Variants in NPHP3 observed in about 807,000 individuals in gnomAD.
NPHP3 encodes the protein nephrocystin-3.
NPHP3 carries 123 observed loss-of-function variants against 171.9 expected under a neutral mutation model. That is an observed-to-expected ratio of 0.72 (90% CI 0.62 to 0.83). NPHP3 has a LOEUF of 0.83. Among genes scored for constraint, NPHP3 ranks in the 40% least tolerant of loss-of-function variants. The pLI is 0.00. For missense variants in NPHP3, 1,506 were observed against 1,591.9 expected, an observed-to-expected ratio of 0.95 and a Z score of 0.92; for synonymous variants, 558 against 579.2, an observed-to-expected ratio of 0.96 and a Z score of 0.52.
intron 4 of NPHP3, among the ~76,000 whole-genome samples, chr3:132,716,044 C>T (rs1560015810): frequency 1.7e-5 from 2 of 119,674 alleles, no homozygotes; most frequent in Admixed American, 1.6e-4. Context: ...TGCAGCCCAA[C>T]ACAACATTGT....
At chr3:132,704,627 C>T (rs1560010337) in intron 8 of NPHP3, among the ~76,000 whole-genome samples, 2 of 151,830 alleles carry the variant, frequency 1.3e-5, no homozygotes, top group Admixed American at 6.5e-5. Context: ...TATTTGAATC[C>T]CATGGAATTT....
At position 132,713,386 on chromosome 3, in the gene NPHP3, A is replaced by T. The variant is rs142676203; in HGVS notation, c.958-100T>A. 4.9e-3 allele frequency: 3,084 copies of T among 625,338 alleles called. 72 individuals are homozygous for T. In the African/African-American group the frequency reaches 0.053, roughly 11 times the overall value. 38.7% of individuals were successfully genotyped at this position (625,338 alleles called of 1,614,324 possible). On this transcript the variant is annotated intron_variant, in intron 5 of 26. Coordinates refer to ENST00000337331, the MANE Select transcript of NPHP3 (RefSeq NM_153240.5). ...TAAAAAGCACGCTTTAAAACAGGTT[A>T]TACTGGATATCTTTTCATATAAAAT...
chr3:132,713,675 GATGAT>G (rs1939972938), intron 5 of NPHP3, among the ~76,000 whole-genome samples: 1 of 151,994 alleles, frequency 6.6e-6, no homozygotes, highest in South Asian at 2.1e-4. Flanking sequence ...AAACATCCAC[GATGAT>G]ATATCAGAAC....
chr3:132,684,867 T>C (rs1939115668), intron 23 of NPHP3, 73 bp from the exon 24 acceptor site: 2 of 1,529,202 alleles, frequency 1.3e-6, no homozygotes. Flanking sequence ...CTAAATTAAG[T>C]GGAGAACTGA....
chr3:132,692,880 T>A, intron 16 of NPHP3, 62 bp from the exon 17 acceptor site: 1 of 1,353,698 alleles, frequency 7.4e-7, no homozygotes, highest in Non-Finnish European at 1.1e-6. Context: ...TAACGGCCAT[T>A]AAAAGTTCCA....
chr3:132,700,423 G>T lies in NPHP3; in HGVS notation c.1654C>A (p.Pro552Thr), dbSNP rs776287337. The T allele has an allele frequency of 2.1e-5, 34 of 1,611,168 alleles. No individual in the cohort carries two copies. Among genetic ancestry groups the T allele is most frequent in the Non-Finnish European group, 2.9e-5 (34 of 1,178,350 alleles). The change falls in exon 11 of 27, where the codon CCC (proline) becomes ACC (threonine). Residue 552 changes from proline to threonine, a missense_variant. Physicochemically the swap from Pro to Thr is conservative, Grantham distance 38. Coordinates refer to ENST00000337331, the MANE Select transcript of NPHP3 (RefSeq NM_153240.5). The stretch of plus-strand genomic sequence containing the variant: ...AAATGGGAAAGAATCAGTGTGTTGG[G>T]GGAATTCTTCTGTTGTAATTGAATC... ...KWIQLQQKNS[P>T]NTLILSHFVG...
chr3:132,700,257 C>T, intron 11 of NPHP3, 77 bp downstream of exon 11: 2 of 1,222,992 alleles, frequency 1.6e-6, no homozygotes, highest in Non-Finnish European at 2.4e-6. Context: ...AATTGGTTTA[C>T]CAGTAGGTAC....
chr3:132,717,076 T>C (rs1940074083), intron 3 of NPHP3, 167 bp from the exon 4 acceptor site: 1 of 657,098 alleles, frequency 1.5e-6, no homozygotes, highest in Non-Finnish European at 2.6e-6. Context: ...AGTTCAAAGA[T>C]ACTGATTAAC....
At chr3:132,694,795 A>G in intron 16 of NPHP3, 32 bp downstream of exon 16, 1 of 1,608,800 alleles carries the variant, frequency 6.2e-7, no homozygotes, top group African/African-American at 1.3e-5. Context: ...AAGCAAACTA[A>G]CATTCCTTTT....
chr3:132,708,343 T>G lies in NPHP3; in HGVS notation c.1119-86A>C, dbSNP rs935884871. The G allele has an allele frequency of 2.3e-6, 3 of 1,331,920 alleles. No individual in the cohort carries two copies. In the African/African-American group the frequency reaches 4.3e-5, roughly 19 times the overall value. The allele number at this position is 1,331,920 out of a possible 1,614,324, so 82.5% of individuals were successfully genotyped here. On this transcript the variant is annotated intron_variant, in intron 6 of 26. Transcript: ENST00000337331. Reference sequence around the variant, plus strand: ...ATCAACCTAAGTGCCAATAATGGAGTTTTACTACAGTGACAAGTGGCCAGA... The same window carrying G: ...ATCAACCTAAGTGCCAATAATGGAGGTTTACTACAGTGACAAGTGGCCAGA...
In NPHP3 at chr3:132,722,311, C is replaced by A. The variant is rs768083433; in HGVS notation, c.45G>T (p.Val15=). The stretch of plus-strand genomic sequence containing the variant: ...CGCCCGCCCCGTACGTGTCCTCGAT[C>A]ACTTCCCCGCCCGCGGGGCTCACGA... The part of the protein sequence containing the change: ...SSLVSPAGGE[V]IEDTYGAGGG... The change falls in exon 1 of 27, where the codon GTG becomes GTT. Residue 15 remains valine (V), a synonymous_variant. Coordinates refer to ENST00000337331, the MANE Select transcript of NPHP3 (RefSeq NM_153240.5). 2.4e-5 allele frequency: 38 copies of A among 1,581,830 alleles called. No homozygotes were observed. Among genetic ancestry groups the A allele is most frequent in the African/African-American group, 4.1e-5 (3 of 72,630 alleles).
Position 132,715,191 on chromosome 3 carries a change from A to G in NPHP3, c.851T>C (p.Leu284Ser), listed in dbSNP as rs1248469945. ...RDDWDIAVAS[L>S]LQVTPLFSHS... ...TGAAAACAGAGGAGTAACTTGTAAT[A>G]AACTAGCTACAGCAATATCCCAGTC... Residue 284 changes from leucine (L) to serine (S), a missense_variant, in exon 5 of 27, where the codon TTA becomes TCA. Leu to Ser is a moderately radical substitution (Grantham distance 145). Around this residue, in one of 3 missense-constraint regions of NPHP3, gnomAD observed 930 missense variants for 924.9 expected, o/e 1.01. Coordinates refer to ENST00000337331, the MANE Select transcript of NPHP3 (RefSeq NM_153240.5). 6.2e-7 allele frequency: 1 copy of G among 1,611,322 alleles called. No individual in the cohort carries two copies. The highest frequency in any genetic ancestry group is 1.1e-5 in the South Asian group (1 of 91,018).
rs1468602074 is a variant in NPHP3, at chr3:132,684,617, T to A, written c.3507A>T (p.Leu1169Phe). 1.2e-6 allele frequency: 2 copies of A among 1,614,056 alleles called. No individual in the cohort carries two copies. The highest frequency in any genetic ancestry group is 3.3e-5 in the Admixed American group (2 of 60,024). ...ATGCCAAAGAAGGGTGATCAGGAGC[T>A]AATGCACGTCTCCGAATATCTAAAG... ...ERALDIRRRA[L>F]APDHPSLAYT... is the part of the protein sequence containing the mutation. Residue 1169 changes from leucine to phenylalanine, a missense_variant, in exon 24 of 27, where the codon TTA becomes TTT. This residue lies in a region of NPHP3 where 569 missense variants were observed against 648.1 expected (regional missense o/e 0.88). Coordinates refer to ENST00000337331, the MANE Select transcript of NPHP3 (RefSeq NM_153240.5).
chr3:132,708,927 G>A (rs1192638300), intron 6 of NPHP3, among the ~76,000 whole-genome samples: 1 of 152,166 alleles, frequency 6.6e-6, no homozygotes, highest in East Asian at 1.9e-4. Context: ...CCCTTCTTGG[G>A]CAGACCAGGC....
At position 132,722,172 on chromosome 3, in the gene NPHP3, G is replaced by C; in HGVS notation, c.184C>G (p.Arg62Gly). The C allele has an allele frequency of 6.4e-7, 1 of 1,560,784 alleles. No individual in the cohort carries two copies. The highest frequency in any genetic ancestry group is 8.6e-7 in the Non-Finnish European group (1 of 1,161,358). Residue 62 changes from arginine (R) to glycine (G), a missense_variant, in exon 1 of 27, where the codon CGC becomes GGC. By Grantham distance (125) the Arg-to-Gly change is moderately radical. This residue lies in a region of NPHP3 where 930 missense variants were observed against 924.9 expected (regional missense o/e 1.01). Coordinates refer to ENST00000337331, the MANE Select transcript of NPHP3 (RefSeq NM_153240.5). ...AGCAGCCCGCCCGCGCCCACCCCGCGGGGCAGCGACCCGGGCCCGGCCCCT... is the reference window on the plus strand; with the variant it reads ...AGCAGCCCGCCCGCGCCCACCCCGCCGGGCAGCGACCCGGGCCCGGCCCCT... ...AAGAGPGSLPRGVGAGGLLGA... is the reference protein window; with the variant it reads ...AAGAGPGSLPGGVGAGGLLGA...
In NPHP3 at chr3:132,695,252, T is replaced by C. The variant is rs1329498657; in HGVS notation, c.2172-287A>G. 8 of 315,360 alleles carry C rather than the reference T, an allele frequency of 2.5e-5. No individual in the cohort carries two copies. In the Admixed American group the frequency reaches 3.3e-4, roughly 13 times the overall value. 19.5% of individuals were successfully genotyped at this position (315,360 alleles called of 1,614,324 possible). ...AAAATGAGTCAGACACGGTTCTTAT[T>C]ATCCAGAAGCATGCCACCTACATAC... On this transcript the variant is annotated intron_variant, in intron 15 of 26. Transcript: ENST00000337331.
chr3:132,708,952 T>C (rs1576679215), intron 6 of NPHP3, among the ~76,000 whole-genome samples: 1 of 152,230 alleles, frequency 6.6e-6, no homozygotes, highest in African/African-American at 2.4e-5. Flanking sequence ...TAAGAATTCT[T>C]GAACCTATGT....
chr3:132,708,064 G>C (rs1316162468), intron 7 of NPHP3, 37 bp downstream of exon 7: 1 of 1,606,770 alleles, frequency 6.2e-7, no homozygotes, highest in East Asian at 2.2e-5. Flanking sequence ...TTTTCCCTCA[G>C]CTAAGTGTGT....
intron 23 of NPHP3, chr3:132,685,260 T>C (rs1237812900): frequency 6.2e-6 from 1 of 161,338 alleles, no homozygotes; most frequent in African/African-American, 2.4e-5. Context: ...TCTACAGGTG[T>C]GTACCACCAT....
Sources: allele counts gnomAD v4.1 joint callset (sites outside exome capture counted in the v4.1 genomes callset), GRCh38; gene constraint gnomAD v4.1.1; regional missense constraint gnomAD v4.1.1; transcripts MANE v1.5; gene names NCBI Gene and HGNC (gene_info 2026-07-23, HGNC 2026-07-21).